Variants in PRKG1 observed in about 807,000 individuals in gnomAD.
The protein encoded by PRKG1 is protein kinase cGMP-dependent 1, also known as cGMP-dependent protein kinase 1.
A neutral mutation model predicts 88.1 loss-of-function variants in PRKG1; 35 were observed. The ratio of observed to expected loss-of-function variants is 0.40; its 90% CI spans 0.30 to 0.53. PRKG1 has a LOEUF of 0.53. Among genes scored for constraint, PRKG1 ranks in the 20% least tolerant of loss-of-function variants. The pLI is 0.59. For missense variants in PRKG1, 540 were observed against 839.8 expected, an observed-to-expected ratio of 0.64 and a Z score of 4.41; for synonymous variants, 303 against 292.5, an observed-to-expected ratio of 1.04 and a Z score of -0.37.
intron 17 of PRKG1, among the ~76,000 whole-genome samples, chr10:52,293,346 T>C (rs1842306041): frequency 6.6e-6 from 1 of 151,256 alleles, no homozygotes; most frequent in Non-Finnish European, 1.5e-5. Flanking sequence ...CCAAGGTAAT[T>C]TATAGATTCA....
intron 3 of PRKG1, among the ~76,000 whole-genome samples, chr10:51,758,664 C>G (rs1044135758): frequency 6.6e-6 from 1 of 152,022 alleles, no homozygotes; most frequent in Non-Finnish European, 1.5e-5. Flanking sequence ...AAATCTCTAC[C>G]CAGGCCTGTG....
chr10:51,998,276 A>T (rs1844503188), intron 5 of PRKG1, among the ~76,000 whole-genome samples: 1 of 151,864 alleles, frequency 6.6e-6, no homozygotes, highest in South Asian at 2.1e-4. Context: ...CTCATTGGTG[A>T]TTATACTGTC....
intron 2 of PRKG1, among the ~76,000 whole-genome samples, chr10:51,397,065 C>T (rs1032150722): frequency 1.1e-4 from 17 of 151,354 alleles, no homozygotes; most frequent in African/African-American, 4.1e-4. Flanking sequence ...GCCCATGAAT[C>T]GGAGTTGCTG....
At chr10:51,621,007 G>GTATATATATATATATA (rs370817382) in intron 3 of PRKG1, among the ~76,000 whole-genome samples, 3,487 of 121,720 alleles carry the variant, frequency 0.029, 87 homozygotes, top group East Asian at 0.055. Context: ...GTGTATATGT[G>GTATATATATATATATA]TGTATATATA....
At chr10:51,120,743 CTT>C (rs1845241144) in intron 1 of PRKG1, among the ~76,000 whole-genome samples, 1 of 152,124 alleles carries the variant, frequency 6.6e-6, no homozygotes, top group Admixed American at 6.6e-5. Context: ...TTAAGTGTCT[CTT>C]AGTCATTTTG....
chr10:51,361,337 C>T (rs532341879), intron 2 of PRKG1, among the ~76,000 whole-genome samples: 196 of 151,976 alleles, frequency 1.3e-3, no homozygotes, highest in African/African-American at 3.5e-3. Context: ...CATGATTATA[C>T]TCGCTTGGCA....
chr10:51,712,296 A>AG (rs1331676820), intron 3 of PRKG1, among the ~76,000 whole-genome samples: 1 of 152,142 alleles, frequency 6.6e-6, no homozygotes, highest in Non-Finnish European at 1.5e-5. Flanking sequence ...GACTTGCTTC[A>AG]GGGGAAGATC....
In PRKG1 at chr10:52,290,224, A is replaced by G; in HGVS notation, c.1896A>G (p.Lys632=). The G allele has an allele frequency of 1.2e-6, 2 of 1,612,086 alleles. No homozygotes were observed. The part of the protein sequence containing the change: ...KNGVKDIQKH[K]WFEGFNWEGL... ...TTATCAACGTTTTTTCCTTTTCTAGATGGTTTGAGGGCTTTAACTGGGAAG... is the reference window on the plus strand; with the variant it reads ...TTATCAACGTTTTTTCCTTTTCTAGGTGGTTTGAGGGCTTTAACTGGGAAG... Residue 632 remains lysine, a splice_region_variant and synonymous_variant, in exon 17 of 18, where the codon AAA becomes AAG. Transcript: ENST00000373980.
intron 3 of PRKG1, among the ~76,000 whole-genome samples, chr10:51,773,523 C>T (rs1489675508): frequency 3.3e-5 from 5 of 151,996 alleles, no homozygotes; most frequent in African/African-American, 1.2e-4. Context: ...TGATGATGAG[C>T]TCCATGAAAA....
chr10:51,983,846 T>C (rs1369139302), intron 5 of PRKG1, among the ~76,000 whole-genome samples: 4 of 152,182 alleles, frequency 2.6e-5, no homozygotes, highest in East Asian at 3.9e-4. Context: ...CCCAGAGTTG[T>C]TGGGGGTCAG....
rs1839952616 is a variant in PRKG1 at position 51,467,965 on chromosome 10, A to T, written c.592+129A>T. 4 of 759,346 alleles carry T rather than the reference A, an allele frequency of 5.3e-6. No individual in the cohort carries two copies. The Admixed American group carries it at 8.3e-5, about 16-fold the overall frequency. The allele number at this position is 759,346 out of a possible 1,614,324, so 47.0% of individuals were successfully genotyped here. ...CTTTGTATTTTAATTTTTGCCCTGC[A>T]ATATAGCTGATGTATTTGTTTTCCT... On this transcript the variant is annotated intron_variant, in intron 3 of 17. Coordinates refer to ENST00000373980, the MANE Select transcript of PRKG1 (RefSeq NM_006258.4).
At chr10:52,112,435 T>C (rs1020299503) in intron 7 of PRKG1, among the ~76,000 whole-genome samples, 2 of 152,138 alleles carry the variant, frequency 1.3e-5, no homozygotes, top group African/African-American at 4.8e-5. Context: ...GTGTGACTCA[T>C]AAAGGGACCA....
At chr10:51,464,721 C>A (rs1040038589) in intron 2 of PRKG1, among the ~76,000 whole-genome samples, 4 of 151,096 alleles carry the variant, frequency 2.6e-5, no homozygotes, top group Non-Finnish European at 3.0e-5. Flanking sequence ...GAAACCCCGT[C>A]TCTACTAAAA....
chr10:51,220,935 G>T (rs1838512460), intron 2 of PRKG1, among the ~76,000 whole-genome samples: 1 of 151,956 alleles, frequency 6.6e-6, no homozygotes, highest in Admixed American at 6.6e-5. Flanking sequence ...TCTGTGTTGG[G>T]ATTGTAGTAT....
At chr10:52,204,108 T>G (rs201484886) in intron 9 of PRKG1, among the ~76,000 whole-genome samples, 32 of 149,264 alleles carry the variant, frequency 2.1e-4, no homozygotes, top group Admixed American at 4.7e-4. Flanking sequence ...TTATTATTAT[T>G]TTTTGTTTTT....
At chr10:51,000,160 T>C (rs990579820) in intron 1 of PRKG1, among the ~76,000 whole-genome samples, 1 of 152,184 alleles carries the variant, frequency 6.6e-6, no homozygotes, top group African/African-American at 2.4e-5. Context: ...TTTGATTAGT[T>C]GTAAGGTAGA....
chr10:51,495,239 C>G (rs147455943), intron 3 of PRKG1, among the ~76,000 whole-genome samples: 3 of 152,074 alleles, frequency 2.0e-5, no homozygotes, highest in African/African-American at 7.2e-5. Context: ...GGACTACAGG[C>G]GAGCGCCACC....
intron 9 of PRKG1, among the ~76,000 whole-genome samples, chr10:52,182,831 A>T (rs1451450777): frequency 6.6e-6 from 1 of 151,820 alleles, no homozygotes; most frequent in African/African-American, 2.4e-5. Context: ...TGTTTTGGTT[A>T]CTGTAGCCTT....
chr10:51,292,405 T>G (rs1165781847), intron 2 of PRKG1, among the ~76,000 whole-genome samples: 1 of 152,162 alleles, frequency 6.6e-6, no homozygotes, highest in Non-Finnish European at 1.5e-5. Context: ...ACAAGTGACA[T>G]AGGCCTGCTA....
Sources: allele counts gnomAD v4.1 joint callset (sites outside exome capture counted in the v4.1 genomes callset), GRCh38; gene constraint gnomAD v4.1.1; transcripts MANE v1.5; gene names NCBI Gene and HGNC (gene_info 2026-07-23, HGNC 2026-07-21).